The following PCDHGB7 variants were observed in gnomAD, a reference collection of about 807,000 sequenced individuals.
PCDHGB7 encodes protocadherin gamma-B7.
A neutral mutation model predicts 61.4 loss-of-function variants in PCDHGB7; 37 were observed. The ratio of observed to expected loss-of-function variants is 0.60; its 90% CI spans 0.46 to 0.79. The LOEUF is 0.79. Ranked by LOEUF, PCDHGB7 falls within the 30% of genes least tolerant of loss-of-function variation. The probability of loss-of-function intolerance (pLI) is 0.00; values close to 1 mark genes in which losing one functional copy is unlikely to be tolerated. For synonymous variants in PCDHGB7, 464 were observed against 503.5 expected, an observed-to-expected ratio of 0.92 and a Z score of 1.05; for missense variants, 1,166 against 1,202.5, an observed-to-expected ratio of 0.97 and a Z score of 0.45.
intron 1 of PCDHGB7, chr5:141,478,158 C>G: frequency 6.2e-7 from 1 of 1,614,054 alleles, no homozygotes; most frequent in Non-Finnish European, 8.5e-7. Flanking sequence ...CCCTCTGGCT[C>G]TGCCCCCCGG....
rs1000935525 is a variant in PCDHGB7 at position 141,512,962 on chromosome 5, G to A, written c.*1789G>A. The A allele has an allele frequency of 1.3e-5, 2 of 152,030 alleles. No individual in the cohort carries two copies. The highest frequency in any genetic ancestry group is 4.8e-5 in the African/African-American group (2 of 41,366). The allele number at this position is 152,030 out of a possible 1,614,324, so 9.4% of individuals were successfully genotyped here. ...TTCTTCGACAAAAAAATAATAAAACGTTTCTTCTGAAAAGCTGAACGTTTC... is the reference window on the plus strand; with the variant it reads ...TTCTTCGACAAAAAAATAATAAAACATTTCTTCTGAAAAGCTGAACGTTTC... On this transcript the variant is annotated 3_prime_UTR_variant, in exon 4 of 4. Transcript: ENST00000398594.
At position 141,419,146 on chromosome 5, in the gene PCDHGB7, GCCT is replaced by G; in HGVS notation, c.1290_1292del (p.Pro431del). 1 of 1,613,922 alleles carries G rather than the reference GCCT, an allele frequency of 6.2e-7. No individual in the cohort carries two copies. Among genetic ancestry groups the G allele is most frequent in the East Asian group, 2.2e-5 (1 of 44,880 alleles). On this transcript the variant is annotated inframe_deletion, in exon 1 of 4. Coordinates refer to ENST00000398594, the MANE Select transcript of PCDHGB7 (RefSeq NM_018927.4). Reference sequence around the variant, plus strand: ...CCATCGCAGCCACAGACAGGGGCAAGCCTCCGTTATCCTCCAGCAAAACCATAA... The same window carrying G: ...CCATCGCAGCCACAGACAGGGGCAAGCCGTTATCCTCCAGCAAAACCATAA...
intron 1 of PCDHGB7, among the ~76,000 whole-genome samples, chr5:141,456,887 C>T (rs112521083): frequency 0.042 from 6,384 of 152,090 alleles, 167 homozygotes; most frequent in Middle Eastern, 0.088. Flanking sequence ...CGCTTGAACC[C>T]GGGAGGCAGA....
chr5:141,494,182 C>T (rs188628485), intron 1 of PCDHGB7, among the ~76,000 whole-genome samples: 132 of 152,244 alleles, frequency 8.7e-4, no homozygotes, highest in African/African-American at 3.1e-3. Flanking sequence ...AGAAGTGTCC[C>T]GGGACTTGGA....
At chr5:141,434,785 T>A (rs7727021) in intron 1 of PCDHGB7, among the ~76,000 whole-genome samples, 45,585 of 150,884 alleles carry the variant, frequency 0.3, 8,100 homozygotes, top group African/African-American at 0.51. Context: ...AAAAAAAAAA[T>A]TTTTTTTTCT....
At chr5:141,484,872 G>T in intron 1 of PCDHGB7, 1 of 319,608 alleles carries the variant, frequency 3.1e-6, no homozygotes, top group Non-Finnish European at 5.8e-6. Context: ...GGAGCGTGGA[G>T]GATAGGGTGG....
rs2099684984 is a variant in PCDHGB7 at position 141,489,278 on chromosome 5, G to A, written c.2416-5529G>A. ...ACACTCCCACAGCTCGCTGGGAAAT[G>A]GCAAGTGCTGTGCATGTTGTCCTTG... is the stretch of plus-strand genomic sequence containing the variant. On this transcript the variant is annotated intron_variant, in intron 1 of 3. Transcript: ENST00000398594. The surrounding 1 kb of genome is among the most constrained non-coding windows in gnomAD (Gnocchi z 4.5). The A allele has an allele frequency of 6.4e-7, 1 of 1,561,298 alleles. No homozygotes were observed. The highest frequency in any genetic ancestry group is 2.2e-5 in the East Asian group (1 of 44,520).
rs1484954022 is a variant in PCDHGB7 at position 141,511,920 on chromosome 5, T to C, written c.*747T>C. 1 of 156,200 alleles carries C rather than the reference T, an allele frequency of 6.4e-6. No individual in the cohort carries two copies. Among genetic ancestry groups the C allele is most frequent in the Non-Finnish European group, 1.4e-5 (1 of 70,262 alleles). The allele number at this position is 156,200 out of a possible 1,614,324, so 9.7% of individuals were successfully genotyped here. The stretch of plus-strand genomic sequence containing the variant: ...CTCCTCCTCAAACAAGAGACTCCAC[T>C]GCATGTTCCAAGACAGTATGGGGTG... On this transcript the variant is annotated 3_prime_UTR_variant, in exon 4 of 4. Coordinates refer to ENST00000398594, the MANE Select transcript of PCDHGB7 (RefSeq NM_018927.4).
At position 141,418,106 on chromosome 5, in the gene PCDHGB7, G is replaced by T. The variant is rs2096223296; in HGVS notation, c.247G>T (p.Asp83Tyr). The T allele has an allele frequency of 6.2e-7, 1 of 1,613,954 alleles. No individual in the cohort carries two copies. Residue 83 changes from aspartate (D) to tyrosine (Y), a missense_variant, in exon 1 of 4, where the codon GAC becomes TAC. Transcript: ENST00000398594. ...LHFSVDAQSG[D>Y]LLVKDRIDRE... ...CTTCAGCGTAGACGCGCAGAGCGGG[G>T]ACTTACTTGTGAAGGACCGAATAGA...
chr5:141,434,564 A>C (rs2097703207), intron 1 of PCDHGB7, among the ~76,000 whole-genome samples: 1 of 152,228 alleles, frequency 6.6e-6, no homozygotes, highest in Admixed American at 6.5e-5. Context: ...CCTTAAGGAC[A>C]TGCCCCTGCT....
intron 1 of PCDHGB7, among the ~76,000 whole-genome samples, chr5:141,494,397 A>G (rs965158973): frequency 7.2e-5 from 11 of 152,208 alleles, no homozygotes; most frequent in African/African-American, 2.4e-4. Flanking sequence ...GAATAAATTC[A>G]TTCTAGGGCT....
chr5:141,477,268 C>T lies in PCDHGB7; in HGVS notation c.2416-17539C>T. ...TGACTGACCTGGATGCTGGCGAGAA[C>T]GGGCTGGTGACCTGCGAAGTTCCAC... On this transcript the variant is annotated intron_variant, in intron 1 of 3. Transcript: ENST00000398594. The surrounding 1 kb of genome is among the most constrained non-coding windows in gnomAD (Gnocchi z 4.9). The T allele has an allele frequency of 6.2e-7, 1 of 1,614,196 alleles. No individual in the cohort carries two copies. The highest frequency in any genetic ancestry group is 8.5e-7 in the Non-Finnish European group (1 of 1,180,030).
intron 2 of PCDHGB7, among the ~76,000 whole-genome samples, chr5:141,501,761 G>C (rs906778888): frequency 2.6e-5 from 4 of 152,090 alleles, no homozygotes; most frequent in African/African-American, 4.8e-5. Flanking sequence ...CTCAGTAAAT[G>C]GTTAAAAAAG....
rs1427052612 is a variant in PCDHGB7 at position 141,493,002 on chromosome 5, A to G, written c.2416-1805A>G. Among the ~76,000 whole-genome samples, 4 of 152,246 alleles carry G rather than the reference A, an allele frequency of 2.6e-5. No individual in the cohort carries two copies. The highest frequency in any genetic ancestry group is 2.1e-4 in the South Asian group (1 of 4,832). On this transcript the variant is annotated intron_variant, in intron 1 of 3. Transcript: ENST00000398594. This position sits in a 1 kb window ranked among gnomAD's most constrained non-coding sequence, Gnocchi z 4.3. ...TCTCCTCTGGCAGATGGAAAGCTAT[A>G]GGCTCTGCCAGATGCCAGGGTGCCC... is the stretch of plus-strand genomic sequence containing the variant.
intron 1 of PCDHGB7, chr5:141,424,304 C>T (rs909355692): frequency 2.0e-5 from 3 of 152,464 alleles, no homozygotes; most frequent in Admixed American, 2.0e-4. Flanking sequence ...CCTATCAACA[C>T]AGACATATTG....
chr5:141,462,646 A>G (rs1371582710), intron 1 of PCDHGB7, among the ~76,000 whole-genome samples: 1 of 137,316 alleles, frequency 7.3e-6, no homozygotes, highest in Non-Finnish European at 1.5e-5. Flanking sequence ...TTTCATTTCC[A>G]TCCTCAATTA....
chr5:141,449,300 T>C (rs2098635283), intron 1 of PCDHGB7, among the ~76,000 whole-genome samples: 1 of 152,090 alleles, frequency 6.6e-6, no homozygotes, highest in Non-Finnish European at 1.5e-5. Flanking sequence ...GGGTGAATTA[T>C]ATGTATTATA....
intron 1 of PCDHGB7, chr5:141,421,778 G>C (rs756566609): frequency 6.2e-7 from 1 of 1,613,844 alleles, no homozygotes; most frequent in Non-Finnish European, 8.5e-7. Context: ...TTGCAACTGC[G>C]GGGCAGAACG....
chr5:141,419,117 G>A lies in PCDHGB7; in HGVS notation c.1258G>A (p.Val420Ile), dbSNP rs1362880648. ...LDREQTPEYNVTIAATDRGKP... is the reference protein window; with the variant it reads ...LDREQTPEYNITIAATDRGKP... Reference sequence around the variant, plus strand: ...TCGGGAGCAGACCCCAGAGTACAACGTCACCATCGCAGCCACAGACAGGGG... The same window carrying A: ...TCGGGAGCAGACCCCAGAGTACAACATCACCATCGCAGCCACAGACAGGGG... Residue 420 changes from valine (V) to isoleucine (I), a missense_variant, in exon 1 of 4, where the codon GTC becomes ATC. Transcript: ENST00000398594. The A allele has an allele frequency of 1.2e-6, 2 of 1,613,836 alleles. No homozygotes were observed. The highest frequency in any genetic ancestry group is 1.7e-6 in the Non-Finnish European group (2 of 1,179,894).
Sources: gnomAD v4.1 joint callset for allele counts (sites outside exome capture counted in the v4.1 genomes callset) on GRCh38, gnomAD v4.1.1 for gene constraint, Gnocchi (gnomAD v3.1) non-coding constraint, MANE v1.5 for transcripts, NCBI Gene and HGNC (gene_info 2026-07-23, HGNC 2026-07-21) for gene names.